The following FRMD4B variants were observed in gnomAD, a reference collection of about 807,000 sequenced individuals.
The protein encoded by FRMD4B is FERM domain-containing protein 4B.
A neutral mutation model predicts 141.5 loss-of-function variants in FRMD4B; 74 were observed. The observed-to-expected ratio is 0.52, with a 90% CI of 0.43 to 0.63. The LOEUF is 0.63. Ranked by LOEUF, FRMD4B falls within the 30% of genes least tolerant of loss-of-function variation. FRMD4B has a pLI of 0.00. For synonymous variants in FRMD4B, 506 were observed against 467.9 expected (o/e 1.08, Z -1.05); for missense variants, 1,366 against 1,253.4 (o/e 1.09, Z -1.36).
intron 1 of FRMD4B, among the ~76,000 whole-genome samples, chr3:69,352,828 AT>A (rs1703192767): frequency 6.6e-6 from 1 of 152,162 alleles, no homozygotes; most frequent in Admixed American, 6.5e-5. Context: ...GGAGGACAAA[AT>A]TCAATTTTCC....
chr3:69,406,076 T>C (rs1704644004), intron 2 of FRMD4B, among the ~76,000 whole-genome samples: 1 of 152,172 alleles, frequency 6.6e-6, no homozygotes, highest in South Asian at 2.1e-4. Context: ...TGGGGTCCCA[T>C]GAATCTCAAA....
intron 1 of FRMD4B, among the ~76,000 whole-genome samples, chr3:69,526,788 G>A (rs1443087156): frequency 6.6e-6 from 1 of 152,038 alleles, no homozygotes; most frequent in Non-Finnish European, 1.5e-5. Flanking sequence ...TACAAATAAG[G>A]AAACTGAAAC....
chr3:69,332,708 C>G (rs1417244436), intron 1 of FRMD4B, among the ~76,000 whole-genome samples: 5 of 150,028 alleles, frequency 3.3e-5, no homozygotes, highest in African/African-American at 1.2e-4. Context: ...TCCCGAGTAG[C>G]TAGGACTACA....
intron 17 of FRMD4B, among the ~76,000 whole-genome samples, chr3:69,190,502 C>T (rs1408240705): frequency 6.6e-6 from 1 of 151,948 alleles, no homozygotes; most frequent in East Asian, 1.9e-4. Context: ...GCAGCCTCAA[C>T]CTCCTGGGCT....
In FRMD4B at chr3:69,195,013, T is replaced by C. The variant is rs544344119; in HGVS notation, c.1488+9A>G. On this transcript the variant is annotated intron_variant, in intron 16 of 22. Coordinates refer to ENST00000398540, the MANE Select transcript of FRMD4B (RefSeq NM_015123.3). ...GATTAATTGAAAGGCTCAGAGGCGT[T>C]GTTCATACTTCTTCACTCGGCAGCA... 3.1e-6 allele frequency: 5 copies of C among 1,611,992 alleles called. No individual in the cohort carries two copies. Among genetic ancestry groups the C allele is most frequent in the Admixed American group, 1.7e-5 (1 of 59,792 alleles).
chr3:69,235,524 T>C (rs983086191), intron 7 of FRMD4B, among the ~76,000 whole-genome samples: 2 of 151,844 alleles, frequency 1.3e-5, no homozygotes, highest in African/African-American at 4.8e-5. Flanking sequence ...CTGGGTGTGG[T>C]GGTGGGTGCC....
intron 1 of FRMD4B, among the ~76,000 whole-genome samples, chr3:69,451,332 G>C (rs972300360): frequency 1.3e-5 from 2 of 152,146 alleles, no homozygotes; most frequent in African/African-American, 4.8e-5. Context: ...AGAACTGTTG[G>C]CCTGGCAATG....
At chr3:69,206,853 AT>A (rs10706734) in intron 11 of FRMD4B, among the ~76,000 whole-genome samples, 139,845 of 151,812 alleles carry the variant, frequency 0.92, 65,431 homozygotes, top group Non-Finnish European at 1. Flanking sequence ...GGCTTAATAC[AT>A]TTTTTTTTGG....
chr3:69,271,892 T>G (rs1462410914), intron 5 of FRMD4B, among the ~76,000 whole-genome samples: 1 of 152,048 alleles, frequency 6.6e-6, no homozygotes, highest in African/African-American at 2.4e-5. Context: ...GGAGAATTGC[T>G]TGAATCTGGG....
At chr3:69,240,828 A>G (rs1205378509) in intron 7 of FRMD4B, among the ~76,000 whole-genome samples, 3 of 152,178 alleles carry the variant, frequency 2.0e-5, no homozygotes, top group Admixed American at 6.5e-5. Context: ...CAGCGGGGGA[A>G]TGTAGAATTC....
At chr3:69,470,452 A>G (rs1705867859) in intron 1 of FRMD4B, among the ~76,000 whole-genome samples, 2 of 152,198 alleles carry the variant, frequency 1.3e-5, no homozygotes, top group Non-Finnish European at 2.9e-5. Flanking sequence ...GAGAAGAAAT[A>G]ATTTCAATTC....
At chr3:69,191,609 T>C (rs1157185667) in intron 17 of FRMD4B, among the ~76,000 whole-genome samples, 1 of 152,222 alleles carries the variant, frequency 6.6e-6, no homozygotes, top group Non-Finnish European at 1.5e-5. Context: ...AACCAATCTC[T>C]AATGTTAATC....
rs796607832 is a variant in FRMD4B, at chr3:69,203,320, C to CA, written c.877-4547dup. On this transcript the variant is annotated intron_variant, in intron 11 of 22. Coordinates refer to ENST00000398540, the MANE Select transcript of FRMD4B (RefSeq NM_015123.3). ...ATCTGAGGGTACTGTCAAACTTCAG[C>CA]AAAAAAAAAAAAAAAAAAAAAAAAG... 2.9e-3 allele frequency among the ~76,000 whole-genome samples: 309 copies of CA among 107,806 alleles called. 5 individuals carry two copies. In the East Asian group the frequency reaches 0.05, roughly 17 times the overall value. The allele number at this position is 107,806 out of a possible 152,430, so 70.7% of individuals were successfully genotyped here.
At chr3:69,279,231 T>C (rs781029594) in intron 5 of FRMD4B, among the ~76,000 whole-genome samples, 1 of 152,202 alleles carries the variant, frequency 6.6e-6, no homozygotes, top group Non-Finnish European at 1.5e-5. Context: ...AATGCAATGA[T>C]GTTTTAATTG....
intron 1 of FRMD4B, among the ~76,000 whole-genome samples, chr3:69,437,707 AAATAT>A (rs1323153684): frequency 7.6e-5 from 10 of 131,726 alleles, no homozygotes; most frequent in Admixed American, 4.0e-4. Flanking sequence ...TATACTATAT[AAATAT>A]AATATATATA....
At chr3:69,249,648 G>A (rs1377357135) in intron 6 of FRMD4B, among the ~76,000 whole-genome samples, 1 of 152,134 alleles carries the variant, frequency 6.6e-6, no homozygotes, top group African/African-American at 2.4e-5. Flanking sequence ...CATGGAAACA[G>A]ACTAATGCCT....
At chr3:69,409,363 T>C (rs183980779) in intron 2 of FRMD4B, among the ~76,000 whole-genome samples, 2 of 152,324 alleles carry the variant, frequency 1.3e-5, no homozygotes, top group Admixed American at 1.3e-4. Context: ...AGGAGATTCC[T>C]AGGCATGGTC....
intron 1 of FRMD4B, among the ~76,000 whole-genome samples, chr3:69,361,463 C>A (rs1843046): frequency 0.37 from 55,533 of 151,938 alleles, 12,107 homozygotes; most frequent in African/African-American, 0.61. Context: ...CCACATCCCC[C>A]CCAAGATATA....
chr3:69,208,388 T>G (rs1434657177), intron 11 of FRMD4B, among the ~76,000 whole-genome samples: 1 of 151,424 alleles, frequency 6.6e-6, no homozygotes, highest in Non-Finnish European at 1.5e-5. Context: ...TTAGTAGAGA[T>G]AGGGTTTCAC....
Sources: allele counts gnomAD v4.1 joint callset (sites outside exome capture counted in the v4.1 genomes callset), GRCh38; gene constraint gnomAD v4.1.1; transcripts MANE v1.5; gene names NCBI Gene and HGNC (gene_info 2026-07-23, HGNC 2026-07-21).